Variants in PTPRR observed in about 807,000 individuals in gnomAD.
PTPRR encodes protein tyrosine phosphatase receptor type R.
In PTPRR, 38 loss-of-function variants were observed where a neutral mutation model predicts 77.2. The observed-to-expected ratio is 0.49, with a 90% CI of 0.38 to 0.65. The LOEUF (loss-of-function observed/expected upper bound fraction) is 0.65. Ranked by LOEUF, PTPRR falls within the 30% of genes least tolerant of loss-of-function variation. The pLI, the probability that PTPRR is intolerant of heterozygous loss-of-function variation, is 0.00. For synonymous variants in PTPRR, 299 were observed against 283.1 expected (o/e 1.06, Z -0.57); for missense variants, 744 against 799.2 (o/e 0.93, Z 0.83).
intron 11 of PTPRR, 126 bp downstream of exon 11, chr12:70,662,369 T>C: frequency 1.9e-6 from 1 of 538,030 alleles, no homozygotes; most frequent in Non-Finnish European, 3.2e-6. Flanking sequence ...GATTATAGTT[T>C]CTCTTTGATC....
chr12:70,887,621 C>A (rs955369119), intron 2 of PTPRR, among the ~76,000 whole-genome samples: 1 of 152,020 alleles, frequency 6.6e-6, no homozygotes, highest in Non-Finnish European at 1.5e-5. Flanking sequence ...TCATTATGTG[C>A]TAGACACAAG....
In PTPRR at chr12:70,745,906, C is replaced by T. The variant is rs749716797; in HGVS notation, c.919G>A (p.Gly307Ser). 12 of 1,614,076 alleles carry T rather than the reference C, an allele frequency of 7.4e-6. No homozygotes were observed. In the South Asian group the frequency reaches 1.3e-4, roughly 18 times the overall value. ...GCTTTGATCTCAGGAGCACCTCGGC[C>T]TTGAGGGTCCACGACAACATTCAGT... ...KVLNVVVDPQGRGAPEIKATT... is the reference protein window; with the variant it reads ...KVLNVVVDPQSRGAPEIKATT... The change falls in exon 6 of 14, where the codon GGC becomes AGC. Residue 307 changes from glycine to serine, a missense_variant. By Grantham distance (56) the Gly-to-Ser change is moderately conservative. Transcript: ENST00000283228.
At chr12:70,758,425 G>A (rs932795764) in intron 4 of PTPRR, among the ~76,000 whole-genome samples, 1 of 152,116 alleles carries the variant, frequency 6.6e-6, no homozygotes, top group Non-Finnish European at 1.5e-5. Context: ...GACTCAGTAA[G>A]TTGCTCTATT....
At chr12:70,872,242 C>T (rs905471848) in intron 2 of PTPRR, among the ~76,000 whole-genome samples, 4 of 152,026 alleles carry the variant, frequency 2.6e-5, no homozygotes, top group African/African-American at 9.7e-5. Flanking sequence ...TAGAAGATCA[C>T]ATAATGGCAC....
intron 2 of PTPRR, among the ~76,000 whole-genome samples, chr12:70,773,969 G>T (rs1237243251): frequency 1.3e-5 from 2 of 152,152 alleles, no homozygotes; most frequent in Non-Finnish European, 2.9e-5. Flanking sequence ...CACAATATAC[G>T]CATCTACCTG....
At chr12:70,880,741 T>G (rs928886694) in intron 2 of PTPRR, among the ~76,000 whole-genome samples, 11 of 152,172 alleles carry the variant, frequency 7.2e-5, no homozygotes, top group African/African-American at 2.7e-4. Flanking sequence ...ATTCGAAATC[T>G]TTACACATCT....
At chr12:70,778,695 T>A in intron 2 of PTPRR, among the ~76,000 whole-genome samples, 1 of 148,696 alleles carries the variant, frequency 6.7e-6, no homozygotes, top group African/African-American at 2.6e-5. Context: ...TTCTCTAATG[T>A]TTTTTTTTAC....
chr12:70,862,857 TTTC>T (rs1892777436), intron 2 of PTPRR, among the ~76,000 whole-genome samples: 1 of 152,128 alleles, frequency 6.6e-6, no homozygotes, highest in Admixed American at 6.6e-5. Context: ...ATTCCACCTG[TTTC>T]TTAATTTTTC....
At chr12:70,761,403 G>A in intron 4 of PTPRR, 68 bp downstream of exon 4, 1 of 1,358,442 alleles carries the variant, frequency 7.4e-7, no homozygotes, top group Non-Finnish European at 9.8e-7. Context: ...AAAGCCTCTT[G>A]GGGTTGAATT....
chr12:70,836,365 C>T (rs1328629252), intron 2 of PTPRR, among the ~76,000 whole-genome samples: 2 of 151,540 alleles, frequency 1.3e-5, no homozygotes, highest in African/African-American at 4.9e-5. Flanking sequence ...CTGGAAACGC[C>T]CTATTTTTCC....
intron 2 of PTPRR, among the ~76,000 whole-genome samples, chr12:70,769,003 C>T (rs1295369716): frequency 6.0e-4 from 89 of 148,092 alleles, no homozygotes; most frequent in African/African-American, 2.2e-3. Context: ...ATTGATGGGA[C>T]ATATCTCAAA....
At position 70,638,385 on chromosome 12, in the gene PTPRR, G is replaced by T. The variant is rs1316534377; in HGVS notation, c.*799C>A. The T allele has an allele frequency of 1.3e-5, 2 of 152,524 alleles. No individual in the cohort carries two copies. Among genetic ancestry groups the T allele is most frequent in the Non-Finnish European group, 2.9e-5 (2 of 68,024 alleles). The allele number at this position is 152,524 out of a possible 1,614,324, so 9.4% of individuals were successfully genotyped here. Reference sequence around the variant, plus strand: ...AGAGAGACAAGTAGTTAAAACTCTTGATACTTCAGAGTTGCTACAAATTTG... The same window carrying T: ...AGAGAGACAAGTAGTTAAAACTCTTTATACTTCAGAGTTGCTACAAATTTG... On this transcript the variant is annotated 3_prime_UTR_variant, in exon 14 of 14. Transcript: ENST00000283228.
intron 6 of PTPRR, among the ~76,000 whole-genome samples, chr12:70,732,705 C>T (rs1889704651): frequency 6.6e-6 from 1 of 151,470 alleles, no homozygotes. Context: ...GGATTACAGG[C>T]GCACGTCACC....
At chr12:70,681,597 C>T (rs1887663964) in intron 10 of PTPRR, among the ~76,000 whole-genome samples, 1 of 152,200 alleles carries the variant, frequency 6.6e-6, no homozygotes, top group African/African-American at 2.4e-5. Flanking sequence ...TAAAGGTCTC[C>T]TTGTCTCACA....
intron 2 of PTPRR, among the ~76,000 whole-genome samples, chr12:70,885,749 A>T (rs189212476): frequency 6.6e-6 from 1 of 151,956 alleles, no homozygotes; most frequent in East Asian, 1.9e-4. Flanking sequence ...AGCCAGGATG[A>T]TCTCGATCTA....
At chr12:70,733,442 A>AAAAAAAAG (rs1889740224) in intron 6 of PTPRR, among the ~76,000 whole-genome samples, 2 of 93,694 alleles carry the variant, frequency 2.1e-5, no homozygotes, top group African/African-American at 4.1e-5. Flanking sequence ...AAAAAAAAAA[A>AAAAAAAAG]AAAGAAAGAA....
intron 4 of PTPRR, among the ~76,000 whole-genome samples, chr12:70,761,049 C>A (rs928387064): frequency 1.3e-5 from 2 of 151,920 alleles, no homozygotes; most frequent in Non-Finnish European, 2.9e-5. Flanking sequence ...TGGGAAAAGG[C>A]GAATATCTGG....
intron 2 of PTPRR, among the ~76,000 whole-genome samples, chr12:70,887,202 C>A (rs1013003285): frequency 6.6e-6 from 1 of 151,906 alleles, no homozygotes; most frequent in South Asian, 2.1e-4. Flanking sequence ...GTAATCCCAG[C>A]ACTTTGGGAG....
intron 2 of PTPRR, among the ~76,000 whole-genome samples, chr12:70,831,192 T>C (rs373992306): frequency 1.6e-4 from 24 of 152,190 alleles, no homozygotes; most frequent in African/African-American, 2.9e-4. Context: ...ATTTCCTTGA[T>C]TGAACAACAA....
Sources: allele counts gnomAD v4.1 joint callset (sites outside exome capture counted in the v4.1 genomes callset), GRCh38; gene constraint gnomAD v4.1.1; transcripts MANE v1.5; gene names NCBI Gene and HGNC (gene_info 2026-07-23, HGNC 2026-07-21).